ZMAT4: variants seen among roughly 807,000 people sequenced by gnomAD.
ZMAT4 encodes zinc finger matrin-type protein 4.
Under a neutral mutation model 28.7 loss-of-function variants are expected in ZMAT4, and 17 were observed. The observed-to-expected ratio is 0.59, with a 90% CI of 0.41 to 0.89. The LOEUF is 0.89. Ranked by LOEUF, ZMAT4 falls within the 40% of genes least tolerant of loss-of-function variation. The pLI is 0.00. For missense variants in ZMAT4, 240 were observed against 283.8 expected (o/e 0.85, Z 1.11); for synonymous variants, 117 against 109.2 (o/e 1.07, Z -0.44).
intron 4 of ZMAT4, among the ~76,000 whole-genome samples, chr8:40,685,606 G>A (rs1163515700): frequency 2.0e-5 from 3 of 150,770 alleles, no homozygotes; most frequent in Non-Finnish European, 4.4e-5. Flanking sequence ...TTATTTTGAG[G>A]GATTTTTTTT....
chr8:40,681,195 C>T (rs1035330631), intron 4 of ZMAT4, among the ~76,000 whole-genome samples: 2 of 152,170 alleles, frequency 1.3e-5, no homozygotes, highest in African/African-American at 4.8e-5. Context: ...CCCCATATTT[C>T]AATGTCAACT....
At chr8:40,700,837 G>C (rs1259579640) in intron 3 of ZMAT4, among the ~76,000 whole-genome samples, 3 of 152,010 alleles carry the variant, frequency 2.0e-5, no homozygotes, top group African/African-American at 7.2e-5. Flanking sequence ...GCACTTACTT[G>C]TTTTCATATT....
intron 6 of ZMAT4, among the ~76,000 whole-genome samples, chr8:40,563,901 A>G (rs1046224418): frequency 1.9e-4 from 29 of 152,098 alleles, no homozygotes; most frequent in Admixed American, 4.6e-4. Flanking sequence ...AGTTTCCTCC[A>G]GCCCCTACCC....
At chr8:40,838,666 G>A (rs1816587622) in intron 1 of ZMAT4, among the ~76,000 whole-genome samples, 1 of 152,140 alleles carries the variant, frequency 6.6e-6, no homozygotes, top group Admixed American at 6.5e-5. Flanking sequence ...TGGCCAGACT[G>A]ACTCTCAGTC....
At chr8:40,651,897 G>A (rs1807677523) in intron 5 of ZMAT4, among the ~76,000 whole-genome samples, 1 of 118,652 alleles carries the variant, frequency 8.4e-6, no homozygotes, top group Admixed American at 8.8e-5. Context: ...AGCTGAAACT[G>A]GATCCCTTCC....
chr8:40,792,064 G>C (rs979979599), intron 2 of ZMAT4, among the ~76,000 whole-genome samples: 6 of 152,134 alleles, frequency 3.9e-5, no homozygotes, highest in African/African-American at 1.4e-4. Flanking sequence ...AGTCTGACTG[G>C]ACTTTGAGGC....
intron 4 of ZMAT4, among the ~76,000 whole-genome samples, chr8:40,686,205 A>G (rs371793021): frequency 6.6e-6 from 1 of 151,938 alleles, no homozygotes; most frequent in Non-Finnish European, 1.5e-5. Context: ...ATTCTACAGA[A>G]GTCTATGTAC....
chr8:40,694,775 A>C (rs1460403254), intron 4 of ZMAT4, among the ~76,000 whole-genome samples: 1 of 152,180 alleles, frequency 6.6e-6, no homozygotes, highest in Non-Finnish European at 1.5e-5. Context: ...TGCTTCTCCA[A>C]GGCAGATCTT....
In ZMAT4 at chr8:40,614,192, G is replaced by A. The variant is rs553576455; in HGVS notation, c.578-32931C>T. Among the ~76,000 whole-genome samples the A allele has an allele frequency of 5.3e-5, 8 of 152,284 alleles. No individual in the cohort carries two copies. In the East Asian group the frequency reaches 9.6e-4, roughly 18 times the overall value. ...TTTGCACCTTGCAAAGGAAGTGTCA[G>A]CATTTTAATCTTTGCCTCAAGCTCT... On this transcript the variant is annotated intron_variant, in intron 5 of 6. Coordinates refer to ENST00000297737, the MANE Select transcript of ZMAT4 (RefSeq NM_024645.3).
At chr8:40,558,949 T>C (rs1353841645) in intron 6 of ZMAT4, among the ~76,000 whole-genome samples, 1 of 152,156 alleles carries the variant, frequency 6.6e-6, no homozygotes, top group Non-Finnish European at 1.5e-5. Flanking sequence ...TACCAAATCA[T>C]AAACAGGACC....
intron 6 of ZMAT4, among the ~76,000 whole-genome samples, chr8:40,578,601 C>CCT (rs199620774): frequency 1.1e-4 from 17 of 151,702 alleles, no homozygotes; most frequent in South Asian, 2.1e-4. Context: ...TTCTCTCTCT[C>CCT]CTCTCTCTCT....
intron 4 of ZMAT4, among the ~76,000 whole-genome samples, chr8:40,676,576 G>A (rs1243809139): frequency 6.6e-6 from 1 of 151,892 alleles, no homozygotes; most frequent in Non-Finnish European, 1.5e-5. Context: ...TAACTTTTAG[G>A]TGGACTTTTT....
intron 5 of ZMAT4, among the ~76,000 whole-genome samples, chr8:40,646,299 G>T (rs1807311791): frequency 6.7e-6 from 1 of 149,734 alleles, no homozygotes; most frequent in Admixed American, 6.6e-5. Context: ...TAATTTTTTA[G>T]ACTATCATTT....
intron 2 of ZMAT4, among the ~76,000 whole-genome samples, chr8:40,784,713 C>T (rs1356045804): frequency 1.3e-5 from 2 of 152,190 alleles, no homozygotes; most frequent in East Asian, 1.9e-4. Flanking sequence ...CTGCCCCGAT[C>T]CCCATTCAAC....
At chr8:40,766,700 T>C (rs7824220) in intron 3 of ZMAT4, among the ~76,000 whole-genome samples, 1,653 of 152,358 alleles carry the variant, frequency 0.011, 21 homozygotes, top group African/African-American at 0.038. Context: ...AACACCAGCC[T>C]TGATGCTCAC....
At chr8:40,658,619 TAC>T (rs3038825) in intron 5 of ZMAT4, among the ~76,000 whole-genome samples, 7,811 of 145,386 alleles carry the variant, frequency 0.054, 381 homozygotes, top group Admixed American at 0.15. Context: ...GTTAGACACA[TAC>T]ACACACACAC....
intron 1 of ZMAT4, among the ~76,000 whole-genome samples, chr8:40,846,126 G>C (rs531819657): frequency 6.6e-6 from 1 of 152,140 alleles, no homozygotes. Flanking sequence ...AGCTGAGACC[G>C]GGAGATAGCA....
intron 2 of ZMAT4, among the ~76,000 whole-genome samples, chr8:40,804,731 C>T (rs1167603389): frequency 6.6e-6 from 1 of 151,964 alleles, no homozygotes; most frequent in African/African-American, 2.4e-5. Flanking sequence ...ATCCCAGCTA[C>T]TTGGGAGGCT....
Position 40,737,870 on chromosome 8 carries a change from A to G in ZMAT4, c.192+29771T>C, listed in dbSNP as rs75206414. On this transcript the variant is annotated intron_variant, in intron 3 of 6. Transcript: ENST00000297737. ...CTACATCAAAGAGTTCCATGAAGCA[A>G]TGCATGGGAAGCACTGAGCCTAGAG... 1.7e-3 allele frequency among the ~76,000 whole-genome samples: 266 copies of G among 152,118 alleles called. 1 individual carries two copies. Among genetic ancestry groups the G allele is most frequent in the African/African-American group, 6.1e-3 (253 of 41,492 alleles).
Sources: gnomAD v4.1 joint callset for allele counts (sites outside exome capture counted in the v4.1 genomes callset) on GRCh38, gnomAD v4.1.1 for gene constraint, MANE v1.5 for transcripts, NCBI Gene and HGNC (gene_info 2026-07-23, HGNC 2026-07-21) for gene names.